IL4: variants seen among roughly 807,000 people sequenced by gnomAD.
IL4 encodes the protein interleukin-4.
A neutral mutation model predicts 17.4 loss-of-function variants in IL4; 10 were observed. The observed-to-expected ratio is 0.57, with a 90% CI of 0.35 to 0.97. The LOEUF is 0.97. Ranked by LOEUF, IL4 falls within the 50% of genes least tolerant of loss-of-function variation. IL4 has a pLI of 0.01. For missense variants in IL4, 174 were observed against 187.7 expected, an observed-to-expected ratio of 0.93 and a Z score of 0.43; for synonymous variants, 87 against 79.0, an observed-to-expected ratio of 1.10 and a Z score of -0.54.
At chr5:132,675,419 A>C (rs1167949731) in intron 2 of IL4, among the ~76,000 whole-genome samples, 4 of 152,088 alleles carry the variant, frequency 2.6e-5, no homozygotes, top group Non-Finnish European at 5.9e-5. Flanking sequence ...ACACTCCAGC[A>C]CCCAGACCAT....
chr5:132,676,903 G>A (rs1752391981), intron 2 of IL4, among the ~76,000 whole-genome samples: 1 of 152,166 alleles, frequency 6.6e-6, no homozygotes, highest in African/African-American at 2.4e-5. Context: ...CACTGGTCTA[G>A]GTCCTGGGCT....
chr5:132,678,085 T>A (rs752856395), intron 2 of IL4, among the ~76,000 whole-genome samples: 2 of 152,218 alleles, frequency 1.3e-5, no homozygotes, highest in African/African-American at 4.8e-5. Context: ...GTCTAGACTT[T>A]CCTGAAAAAA....
intron 3 of IL4, 64 bp from the exon 4 acceptor site, chr5:132,682,422 C>A: frequency 2.1e-6 from 2 of 972,904 alleles, no homozygotes; most frequent in South Asian, 2.7e-5. Context: ...TAGGCTTGAT[C>A]AAGTAGACAG....
At chr5:132,681,461 C>T (rs1158794910) in intron 3 of IL4, among the ~76,000 whole-genome samples, 1 of 152,020 alleles carries the variant, frequency 6.6e-6, no homozygotes, top group Non-Finnish European at 1.5e-5. Flanking sequence ...AGTGGGCTCA[C>T]CGAGGATAGG....
intron 2 of IL4, among the ~76,000 whole-genome samples, chr5:132,677,532 C>G (rs1248358411): frequency 6.6e-6 from 1 of 152,214 alleles, no homozygotes; most frequent in Admixed American, 6.5e-5. Flanking sequence ...AGGATGCATT[C>G]TTTTAAAGTT....
chr5:132,674,924 C>A (rs1374558166), intron 2 of IL4, among the ~76,000 whole-genome samples: 1 of 152,248 alleles, frequency 6.6e-6, no homozygotes, highest in Non-Finnish European at 1.5e-5. Flanking sequence ...TTCATTTTGT[C>A]TAAGAGACTT....
chr5:132,678,163 A>T lies in IL4; in HGVS notation c.184-1551A>T, dbSNP rs373556481. Among the ~76,000 whole-genome samples, 142 of 152,364 alleles carry T rather than the reference A, an allele frequency of 9.3e-4. 6 individuals are homozygous for T. The South Asian group carries it at 0.029, about 31-fold the overall frequency. On this transcript the variant is annotated intron_variant, in intron 2 of 3. Transcript: ENST00000231449. ...ATAAGAGATGAACACAAAGATTTCT[A>T]TAGTTTACTCACTGCCGCTTATTTA...
rs1462927352 is a variant in IL4, at chr5:132,680,831, A to C, written c.360+941A>C. On this transcript the variant is annotated intron_variant, in intron 3 of 3. Coordinates refer to ENST00000231449, the MANE Select transcript of IL4 (RefSeq NM_000589.4). The surrounding 1 kb of genome is among the most constrained non-coding windows in gnomAD (Gnocchi z 4.3). ...GGTGAACAGATTTGGGATATGACTA[A>C]AAATAAAACCAGAAGGATTTGCTGA... Among the ~76,000 whole-genome samples, 1 of 152,194 alleles carries C rather than the reference A, an allele frequency of 6.6e-6. No individual in the cohort carries two copies. Among genetic ancestry groups the C allele is most frequent in the Non-Finnish European group, 1.5e-5 (1 of 68,032 alleles).
intron 2 of IL4, among the ~76,000 whole-genome samples, chr5:132,675,905 GTGTA>G (rs955113630): frequency 4.3e-5 from 6 of 140,288 alleles, no homozygotes; most frequent in Non-Finnish European, 9.1e-5. Context: ...ATATATATGT[GTGTA>G]TGTATATATG....
intron 2 of IL4, among the ~76,000 whole-genome samples, chr5:132,675,929 A>ATATGTGTGTG (rs150233516): frequency 2.1e-5 from 3 of 140,942 alleles, no homozygotes; most frequent in African/African-American, 8.2e-5. Context: ...GTGTATGTAT[A>ATATGTGTGTG]TGTGTGTGTG....
chr5:132,678,693 C>G (rs1328472819), intron 2 of IL4, among the ~76,000 whole-genome samples: 1 of 152,152 alleles, frequency 6.6e-6, no homozygotes, highest in Non-Finnish European at 1.5e-5. Flanking sequence ...CTTTGAGTAT[C>G]AAGGGACCAG....
At chr5:132,674,327 T>C (rs1581041659) in intron 1 of IL4, 132 bp from the exon 2 acceptor site, 2 of 1,333,604 alleles carry the variant, frequency 1.5e-6, no homozygotes, top group South Asian at 1.2e-5. Flanking sequence ...GCTTCTCCCC[T>C]GCCACTCTTT....
intron 2 of IL4, among the ~76,000 whole-genome samples, chr5:132,675,917 A>G (rs900027326): frequency 6.1e-4 from 49 of 80,116 alleles, no homozygotes; most frequent in African/African-American, 2.9e-3. Flanking sequence ...GTATGTATAT[A>G]TGTGTATGTA....
At chr5:132,678,340 A>G (rs186693208) in intron 2 of IL4, among the ~76,000 whole-genome samples, 1 of 152,348 alleles carries the variant, frequency 6.6e-6, no homozygotes, top group East Asian at 1.9e-4. Context: ...GAAGTTACAA[A>G]ACAGTATCAA....
At position 132,682,596 on chromosome 5, in the gene IL4, AT is replaced by A. The variant is rs1561679305; in HGVS notation, c.*12del. 1 of 1,446,916 alleles carries A rather than the reference AT, an allele frequency of 6.9e-7. No homozygotes were observed. Among genetic ancestry groups the A allele is most frequent in the Non-Finnish European group, 9.6e-7 (1 of 1,038,698 alleles). The allele number at this position is 1,446,916 out of a possible 1,614,324, so 89.6% of individuals were successfully genotyped here. A position where few individuals can be genotyped will look rare whatever the true frequency, so the allele number is the denominator to read the frequency against. On this transcript the variant is annotated 3_prime_UTR_variant, in exon 4 of 4. Transcript: ENST00000231449. ...CAAAGTGTTCGAGCTGAATATTTTA[AT>A]TTATGAGTTTTTGATAGCTTTATTT...
At chr5:132,679,622 C>A in intron 2 of IL4, 92 bp from the exon 3 acceptor site, 1 of 1,144,038 alleles carries the variant, frequency 8.7e-7, no homozygotes, top group Non-Finnish European at 1.3e-6. Flanking sequence ...CTCCATTTGT[C>A]CTCCTGGAAA....
At chr5:132,679,646 G>GGAAAAAT in intron 2 of IL4, 68 bp from the exon 3 acceptor site, 1 of 1,382,888 alleles carries the variant, frequency 7.2e-7, no homozygotes. Flanking sequence ...GAAATCAAGA[G>GGAAAAAT]GAAAAATCTC....
At chr5:132,675,875 GTGTATATA>G (rs757936955) in intron 2 of IL4, among the ~76,000 whole-genome samples, 5 of 121,402 alleles carry the variant, frequency 4.1e-5, no homozygotes, top group East Asian at 2.1e-4. Flanking sequence ...GTGTGTGTGT[GTGTATATA>G]TGTGTGTGTG....
intron 2 of IL4, among the ~76,000 whole-genome samples, chr5:132,679,230 T>G (rs1418477921): frequency 6.6e-6 from 1 of 152,184 alleles, no homozygotes; most frequent in Non-Finnish European, 1.5e-5. Flanking sequence ...GTGCACTCAT[T>G]TATTCAACAG....
Sources: allele counts gnomAD v4.1 joint callset (sites outside exome capture counted in the v4.1 genomes callset), GRCh38; gene constraint gnomAD v4.1.1; non-coding constraint Gnocchi (gnomAD v3.1); transcripts MANE v1.5; gene names NCBI Gene and HGNC (gene_info 2026-07-23, HGNC 2026-07-21).